TENM2: variants seen among roughly 807,000 people sequenced by gnomAD.
The protein encoded by TENM2 is teneurin-2.
A neutral mutation model predicts 245.2 loss-of-function variants in TENM2; 52 were observed. That is an observed-to-expected ratio of 0.21 (90% CI 0.17 to 0.27). The LOEUF is 0.27. TENM2 is among the 10% of genes least tolerant of loss of function. The pLI is 1.00. For synonymous variants in TENM2, 1,363 were observed against 1,438.9 expected (o/e 0.95, Z 1.19); for missense variants, 3,046 against 3,666.8 (o/e 0.83, Z 4.37).
At chr5:167,012,646 G>A in the TENM2 span, among the ~76,000 whole-genome samples, 3 of 152,194 alleles carry the variant, frequency 2.0e-5, no homozygotes, top group Non-Finnish European at 4.4e-5. Context: ...GGAAGGTTGT[G>A]CAGTATGTGC....
At chr5:167,192,074 A>T in the TENM2 span, among the ~76,000 whole-genome samples, 2 of 152,042 alleles carry the variant, frequency 1.3e-5, no homozygotes, top group Non-Finnish European at 2.9e-5. Flanking sequence ...TTTTTGTATA[A>T]ATATCATTTG....
At chr5:167,086,929 GCACACACACACA>G in the TENM2 span, among the ~76,000 whole-genome samples, 1,261 of 90,942 alleles carry the variant, frequency 0.014, 15 homozygotes, top group African/African-American at 0.038. Context: ...ACACACACAC[GCACACACACACA>G]CACACACACA....
the TENM2 span, among the ~76,000 whole-genome samples, chr5:167,151,810 C>T: frequency 1.3e-5 from 2 of 152,324 alleles, no homozygotes; most frequent in South Asian, 2.1e-4. Context: ...AGCCACCGCG[C>T]CTGGCCTGCT....
chr5:167,745,309 G>A (rs1761481065), intron 2 of TENM2, among the ~76,000 whole-genome samples: 1 of 152,334 alleles, frequency 6.6e-6, no homozygotes, highest in South Asian at 2.1e-4. Context: ...TGCAAGTGCT[G>A]CGAAGACAGC....
intron 6 of TENM2, among the ~76,000 whole-genome samples, chr5:168,049,145 G>A (rs940996318): frequency 2.0e-5 from 3 of 152,190 alleles, no homozygotes; most frequent in African/African-American, 7.2e-5. Flanking sequence ...GATTGTCACA[G>A]TTGGAAGGGG....
intron 1 of TENM2, among the ~76,000 whole-genome samples, chr5:167,314,647 A>G (rs1172814140): frequency 6.6e-6 from 1 of 152,134 alleles, no homozygotes; most frequent in Non-Finnish European, 1.5e-5. Context: ...GGACATCACC[A>G]TCTAATACAA....
the TENM2 span, among the ~76,000 whole-genome samples, chr5:167,158,454 G>A: frequency 2.6e-5 from 4 of 152,092 alleles, no homozygotes; most frequent in Non-Finnish European, 4.4e-5. Context: ...TGGCCTGCTT[G>A]GGGTCTAGGT....
chr5:168,045,056 GC>G (rs1788499156), intron 5 of TENM2, among the ~76,000 whole-genome samples: 1 of 152,062 alleles, frequency 6.6e-6, no homozygotes, highest in Admixed American at 6.5e-5. Context: ...CAGAAAATAT[GC>G]CCAAACTTGA....
chr5:167,178,576 C>G, the TENM2 span, among the ~76,000 whole-genome samples: 2 of 152,092 alleles, frequency 1.3e-5, no homozygotes, highest in African/African-American at 4.8e-5. Context: ...TCGATCCCTT[C>G]CACACTGTCT....
chr5:168,198,827 C>T (rs1395847831), intron 15 of TENM2, 26 bp from the exon 18 acceptor site: 2 of 1,607,542 alleles, frequency 1.2e-6, no homozygotes, highest in Non-Finnish European at 1.7e-6. Context: ...TCTACCCCCT[C>T]ATCAGCTCAT....
intron 20 of TENM2, among the ~76,000 whole-genome samples, chr5:168,213,626 A>G (rs527627293): frequency 1.3e-5 from 2 of 152,070 alleles, no homozygotes; most frequent in South Asian, 2.1e-4. Context: ...GGAGTTTGAG[A>G]TCAGCCTGGG....
At chr5:167,075,622 C>G in the TENM2 span, among the ~76,000 whole-genome samples, 1 of 152,164 alleles carries the variant, frequency 6.6e-6, no homozygotes, top group Admixed American at 6.5e-5. Flanking sequence ...CCTGCACATT[C>G]ATTCAATTCT....
At chr5:167,019,729 CA>C in the TENM2 span, among the ~76,000 whole-genome samples, 1 of 152,074 alleles carries the variant, frequency 6.6e-6, no homozygotes, top group African/African-American at 2.4e-5. Flanking sequence ...CTCAGCCTCC[CA>C]AAATGCTGGA....
chr5:167,249,169 A>G, the TENM2 span, among the ~76,000 whole-genome samples: 3 of 152,210 alleles, frequency 2.0e-5, no homozygotes, highest in Non-Finnish European at 4.4e-5. Flanking sequence ...GAGTGCCTGT[A>G]AAATATATAG....
chr5:168,209,963 T>C (rs181010931), intron 19 of TENM2, among the ~76,000 whole-genome samples: 267 of 152,240 alleles, frequency 1.8e-3, no homozygotes, highest in African/African-American at 6.3e-3. Context: ...AGAGACATCA[T>C]TGAGACCCTG....
chr5:167,989,300 G>T (rs1183483348), intron 4 of TENM2, among the ~76,000 whole-genome samples: 2 of 139,964 alleles, frequency 1.4e-5, no homozygotes, highest in South Asian at 2.4e-4. Flanking sequence ...GAGAGAGAGA[G>T]ATAGATAGAT....
the TENM2 span, among the ~76,000 whole-genome samples, chr5:167,111,933 A>G: frequency 6.6e-6 from 1 of 152,116 alleles, no homozygotes; most frequent in Non-Finnish European, 1.5e-5. Flanking sequence ...CGATTTACTA[A>G]TTTGTTCACT....
In TENM2 at chr5:167,671,293, G is replaced by A. The variant is rs147709712; in HGVS notation, c.503-204693G>A. On this transcript the variant is annotated intron_variant, in intron 2 of 28. Coordinates refer to ENST00000518659, the Ensembl canonical transcript of TENM2. The stretch of plus-strand genomic sequence containing the variant: ...GGAGAAGCATTTGAGAGTCCCATCA[G>A]CCAAGGAGTAAGCTCATATTTATTT... 8.7e-4 allele frequency among the ~76,000 whole-genome samples: 132 copies of A among 152,220 alleles called. 1 individual carries two copies. The East Asian group carries it at 0.018, about 21-fold the overall frequency.
At chr5:167,166,587 A>G in the TENM2 span, among the ~76,000 whole-genome samples, 4 of 152,242 alleles carry the variant, frequency 2.6e-5, no homozygotes, top group East Asian at 7.7e-4. Flanking sequence ...CCAAATGTCT[A>G]TCCAGTTAGT....
Sources: gnomAD v4.1 joint callset for allele counts (sites outside exome capture counted in the v4.1 genomes callset) on GRCh38, gnomAD v4.1.1 for gene constraint, MANE v1.5 for transcripts, NCBI Gene and HGNC (gene_info 2026-07-23, HGNC 2026-07-21) for gene names.